PTPRB: variants seen among roughly 807,000 people sequenced by gnomAD.
The protein encoded by PTPRB is protein tyrosine phosphatase receptor type B, also known as receptor-type tyrosine-protein phosphatase beta.
A neutral mutation model predicts 238.1 loss-of-function variants in PTPRB; 97 were observed. That is an observed-to-expected ratio of 0.41 (90% confidence interval 0.35 to 0.48). The LOEUF (loss-of-function observed/expected upper bound fraction) is 0.48, where lower values mean the gene tolerates loss of function less well. Ranked by LOEUF, PTPRB falls within the 20% of genes least tolerant of loss-of-function variation. The pLI is 0.30. For missense variants in PTPRB, 2,292 were observed against 2,681.9 expected, an observed-to-expected ratio of 0.85 and a Z score of 3.21; for synonymous variants, 970 against 995.4, an observed-to-expected ratio of 0.97 and a Z score of 0.48.
chr12:70,613,417 G>A (rs1359381042), intron 3 of PTPRB, among the ~76,000 whole-genome samples: 4 of 152,062 alleles, frequency 2.6e-5, no homozygotes, highest in South Asian at 2.1e-4. Context: ...TCCCCATCCC[G>A]TGCCTATGGA....
In PTPRB at chr12:70,591,804, C is replaced by G. The variant is rs76827920; in HGVS notation, c.1780+478G>C. On this transcript the variant is annotated intron_variant, in intron 7 of 33. Coordinates refer to ENST00000334414, the MANE Select transcript of PTPRB (RefSeq NM_001109754.4). Reference sequence around the variant, plus strand: ...GGCTAAACAAAATCAGGCCACAGACCAGATTTGGCACCAGATGGGGTAGTC... The same window carrying G: ...GGCTAAACAAAATCAGGCCACAGACGAGATTTGGCACCAGATGGGGTAGTC... 673 of 158,056 alleles carry G rather than the reference C, an allele frequency of 4.3e-3. 5 individuals carry two copies. Among genetic ancestry groups the G allele is most frequent in the African/African-American group, 0.016 (647 of 41,594 alleles). The allele number at this position is 158,056 out of a possible 1,614,324, so 9.8% of individuals were successfully genotyped here.
chr12:70,587,332 G>A, intron 8 of PTPRB, 65 bp from the exon 9 acceptor site: 1 of 1,525,300 alleles, frequency 6.6e-7, no homozygotes, highest in Non-Finnish European at 8.9e-7. Flanking sequence ...GTATACTTTT[G>A]ATAGTTCTCC....
At chr12:70,550,900 TC>T (rs551749074) in intron 21 of PTPRB, among the ~76,000 whole-genome samples, 1,998 of 150,468 alleles carry the variant, frequency 0.013, 45 homozygotes, top group African/African-American at 0.046. Context: ...TTTTTTTTTT[TC>T]TTTTTTATTT....
intron 21 of PTPRB, among the ~76,000 whole-genome samples, chr12:70,549,748 G>C (rs1034243265): frequency 2.6e-5 from 4 of 152,168 alleles, no homozygotes; most frequent in Non-Finnish European, 5.9e-5. Flanking sequence ...TGTGCTTTGG[G>C]AGACGACACC....
chr12:70,607,959 TG>T (rs1286520123), intron 4 of PTPRB, among the ~76,000 whole-genome samples: 1 of 151,026 alleles, frequency 6.6e-6, no homozygotes, highest in Non-Finnish European at 1.5e-5. Context: ...GTGATGTAAT[TG>T]GGCATTTTGA....
intron 27 of PTPRB, chr12:70,538,605 A>G (rs1874544549): frequency 2.2e-6 from 1 of 448,490 alleles, no homozygotes; most frequent in Admixed American, 3.7e-5. Context: ...AGACTTTGCT[A>G]AGCAAACCCA....
rs551499973 is a variant in PTPRB, at chr12:70,599,655, G to T, written c.980-3328C>A. ...AACAGTAAGTTCTATAATATTCATT[G>T]TATATACTTGAATAAATCTACCAGC... On this transcript the variant is annotated intron_variant, in intron 4 of 33. Transcript: ENST00000334414. Among the ~76,000 whole-genome samples, 790 of 152,250 alleles carry T rather than the reference G, an allele frequency of 5.2e-3. 10 individuals are homozygous for T. The highest frequency in any genetic ancestry group is 0.018 in the African/African-American group (754 of 41,540).
chr12:70,527,636 G>T (rs771053521), intron 32 of PTPRB: 2 of 152,170 alleles, frequency 1.3e-5, no homozygotes, highest in Non-Finnish European at 2.9e-5. Context: ...AAGAAGAAGG[G>T]ACACTCACAA....
chr12:70,600,036 A>C (rs1256651701), intron 4 of PTPRB, among the ~76,000 whole-genome samples: 5 of 151,796 alleles, frequency 3.3e-5, no homozygotes, highest in Non-Finnish European at 7.4e-5. Context: ...TATAGCACAA[A>C]TGATATTTGC....
intron 19 of PTPRB, 47 bp downstream of exon 19, chr12:70,555,823 T>C: frequency 1.3e-6 from 2 of 1,596,318 alleles, no homozygotes; most frequent in South Asian, 1.1e-5. Context: ...CACAGCCCCT[T>C]CACTCCAGTG....
chr12:70,613,920 G>A (rs1884569539), intron 3 of PTPRB, among the ~76,000 whole-genome samples: 1 of 152,064 alleles, frequency 6.6e-6, no homozygotes, highest in Non-Finnish European at 1.5e-5. Flanking sequence ...GGGAAGAGGG[G>A]AAAGAGAAGA....
At chr12:70,626,866 G>T (rs1413794748) in intron 2 of PTPRB, among the ~76,000 whole-genome samples, 1 of 151,736 alleles carries the variant, frequency 6.6e-6, no homozygotes, top group Non-Finnish European at 1.5e-5. Context: ...ATGGTTAAAA[G>T]AATAATTAAC....
intron 32 of PTPRB, chr12:70,527,665 C>CTTTG (rs1872618674): frequency 6.6e-6 from 1 of 152,214 alleles, no homozygotes; most frequent in South Asian, 2.1e-4. Flanking sequence ...ACCAATGCCT[C>CTTTG]TTTGTTTAGA....
At chr12:70,545,641 A>T (rs1030972392) in intron 21 of PTPRB, among the ~76,000 whole-genome samples, 1 of 152,302 alleles carries the variant, frequency 6.6e-6, no homozygotes, top group Non-Finnish European at 1.5e-5. Flanking sequence ...AGAGAGCTCA[A>T]TGAAGAGACT....
rs1460983648 is a variant in PTPRB at position 70,574,524 on chromosome 12, AG to A, written c.2842+1857del. 1.2e-4 allele frequency among the ~76,000 whole-genome samples: 18 copies of A among 152,358 alleles called. No individual in the cohort carries two copies. In the East Asian group the frequency reaches 2.9e-3, roughly 24 times the overall value. On this transcript the variant is annotated intron_variant, in intron 11 of 33. Coordinates refer to ENST00000334414, the MANE Select transcript of PTPRB (RefSeq NM_001109754.4). ...TAAAGGCAAAGCAACTATTACAGGA[AG>A]AAAAACCTGGCTGAATATCACGTTA...
At chr12:70,557,305 TC>T (rs1378824128) in intron 18 of PTPRB, among the ~76,000 whole-genome samples, 2 of 147,626 alleles carry the variant, frequency 1.4e-5, no homozygotes, top group African/African-American at 5.0e-5. Context: ...ATTATAAACT[TC>T]TATTCTATTT....
chr12:70,521,466 C>A lies in PTPRB; in HGVS notation c.*23G>T. 2.6e-6 allele frequency: 4 copies of A among 1,522,906 alleles called. No individual in the cohort carries two copies. The highest frequency in any genetic ancestry group is 3.5e-6 in the Non-Finnish European group (4 of 1,133,708). The allele number at this position is 1,522,906 out of a possible 1,614,324, so 94.3% of individuals were successfully genotyped here. On this transcript the variant is annotated 3_prime_UTR_variant, in exon 34 of 34. Coordinates refer to ENST00000334414, the MANE Select transcript of PTPRB (RefSeq NM_001109754.4). ...AAATCACACAGTGAATAATTTTTAT[C>A]CAGGAGCTCTTCAGGTACATTCTCA...
At chr12:70,540,352 CAT>C (rs1365818873) in intron 23 of PTPRB, 4 of 241,054 alleles carry the variant, frequency 1.7e-5, no homozygotes, top group East Asian at 8.2e-5. Flanking sequence ...TAAAGAGGAA[CAT>C]GTGCCAAATT....
chr12:70,566,175 G>T (rs950634694), intron 15 of PTPRB, among the ~76,000 whole-genome samples: 1 of 152,314 alleles, frequency 6.6e-6, no homozygotes, highest in Admixed American at 6.5e-5. Context: ...AAGCCACTAA[G>T]ATTGTGATAG....
Sources: gnomAD v4.1 joint callset for allele counts (sites outside exome capture counted in the v4.1 genomes callset) on GRCh38, gnomAD v4.1.1 for gene constraint, MANE v1.5 for transcripts, NCBI Gene and HGNC (gene_info 2026-07-23, HGNC 2026-07-21) for gene names.